KPNA3: variants seen among roughly 807,000 people sequenced by gnomAD.
The protein encoded by KPNA3 is karyopherin subunit alpha 3.
Under a neutral mutation model 73.8 loss-of-function variants are expected in KPNA3, and 13 were observed. That is an observed-to-expected ratio of 0.18 (90% confidence interval 0.11 to 0.28). The LOEUF is 0.28. Ranked by LOEUF, KPNA3 falls within the 10% of genes least tolerant of loss-of-function variation. The pLI is 1.00. For missense variants in KPNA3, 360 were observed against 618.1 expected, an observed-to-expected ratio of 0.58 and a Z score of 4.43; for synonymous variants, 186 against 206.9, an observed-to-expected ratio of 0.90 and a Z score of 0.87.
intron 10 of KPNA3, 69 bp downstream of exon 10, chr13:49,719,706 C>G: frequency 2.0e-6 from 2 of 989,236 alleles, no homozygotes; most frequent in South Asian, 2.7e-5. Flanking sequence ...TGTATGCTGA[C>G]ACTTACATAA....
intron 6 of KPNA3, among the ~76,000 whole-genome samples, chr13:49,731,691 T>C (rs1013951935): frequency 1.3e-5 from 2 of 152,180 alleles, no homozygotes; most frequent in South Asian, 2.1e-4. Context: ...TTTTAATATG[T>C]TTTGGAGTTC....
chr13:49,782,446 T>TACC (rs1954948237), intron 1 of KPNA3, among the ~76,000 whole-genome samples: 3 of 152,326 alleles, frequency 2.0e-5, no homozygotes, highest in Admixed American at 2.0e-4. Flanking sequence ...TATCTACCTG[T>TACC]ATCATAGAAC....
intron 1 of KPNA3, among the ~76,000 whole-genome samples, chr13:49,748,014 G>GA (rs1489423370): frequency 6.6e-6 from 1 of 151,886 alleles, no homozygotes; most frequent in Non-Finnish European, 1.5e-5. Context: ...AGGAGAAAGG[G>GA]AAAAAAAGGC....
chr13:49,737,813 A>T (rs1338227598), intron 2 of KPNA3, among the ~76,000 whole-genome samples: 1 of 152,092 alleles, frequency 6.6e-6, no homozygotes, highest in Non-Finnish European at 1.5e-5. Flanking sequence ...TATGTGCTGG[A>T]TACTAGTCTT....
At chr13:49,717,195 C>T (rs1047775419) in intron 10 of KPNA3, among the ~76,000 whole-genome samples, 3 of 151,962 alleles carry the variant, frequency 2.0e-5, no homozygotes, top group African/African-American at 4.8e-5. Flanking sequence ...TATCATTTCT[C>T]GATTTAAAAA....
chr13:49,777,190 C>T (rs909050224), intron 1 of KPNA3, among the ~76,000 whole-genome samples: 1 of 152,182 alleles, frequency 6.6e-6, no homozygotes, highest in Non-Finnish European at 1.5e-5. Flanking sequence ...ACCTTTCAGT[C>T]CCTATTATTA....
Position 49,710,966 on chromosome 13 carries a change from C to T in KPNA3, c.828G>A (p.Gln276=), listed in dbSNP as rs779533754. 1.2e-6 allele frequency: 2 copies of T among 1,613,406 alleles called. No homozygotes were observed. Among genetic ancestry groups the T allele is most frequent in the Admixed American group, 3.3e-5 (2 of 60,004 alleles). ...CTCCTGAATCAATAACCATCTGTAT[C>T]TGTTCATTACCTCCATCTGTCAAGT... ...LSYLTDGGNE[Q]IQMVIDSGVV... The change falls in exon 11 of 17, where the codon CAG becomes CAA. Residue 276 remains glutamine, a synonymous_variant. Coordinates refer to ENST00000261667, the MANE Select transcript of KPNA3 (RefSeq NM_002267.4).
Position 49,760,458 on chromosome 13 carries a change from C to T in KPNA3, c.70-13465G>A, listed in dbSNP as rs182735045. On this transcript the variant is annotated intron_variant, in intron 1 of 16. Transcript: ENST00000261667. Reference sequence around the variant, plus strand: ...GCAAAATTCAGATTATGAGAACCTCCATGAACCCAGTTTCTCCAACAATAA... The same window carrying T: ...GCAAAATTCAGATTATGAGAACCTCTATGAACCCAGTTTCTCCAACAATAA... 9.9e-3 allele frequency among the ~76,000 whole-genome samples: 1,504 copies of T among 151,434 alleles called. 12 individuals carry two copies. The highest frequency in any genetic ancestry group is 0.015 in the Non-Finnish European group (1,041 of 67,894).
In KPNA3 at chr13:49,785,428, T is replaced by C. The variant is rs139463678; in HGVS notation, c.69+7010A>G. Among the ~76,000 whole-genome samples the C allele has an allele frequency of 5.6e-3, 860 of 152,264 alleles. 19 individuals are homozygous for C. Among genetic ancestry groups the C allele is most frequent in the Admixed American group, 0.037 (571 of 15,302 alleles). Reference sequence around the variant, plus strand: ...CAAATTCAGGTCACAGTGAGGGTGATGATGCCATAAACAGAAAAAAGAAAA... The same window carrying C: ...CAAATTCAGGTCACAGTGAGGGTGACGATGCCATAAACAGAAAAAAGAAAA... On this transcript the variant is annotated intron_variant, in intron 1 of 16. Coordinates refer to ENST00000261667, the MANE Select transcript of KPNA3 (RefSeq NM_002267.4).
intron 6 of KPNA3, among the ~76,000 whole-genome samples, chr13:49,728,498 A>T (rs1954432473): frequency 6.6e-6 from 1 of 152,224 alleles, no homozygotes; most frequent in African/African-American, 2.4e-5. Flanking sequence ...AGACAACAGC[A>T]GAGCTTCCAA....
At chr13:49,764,228 T>C in intron 1 of KPNA3, among the ~76,000 whole-genome samples, 1 of 152,172 alleles carries the variant, frequency 6.6e-6, no homozygotes, top group Non-Finnish European at 1.5e-5. Context: ...TGTACTTCTA[T>C]CCTGTTGCCC....
intron 9 of KPNA3, 47 bp from the exon 10 acceptor site, chr13:49,719,866 T>A (rs1274075789): frequency 8.1e-7 from 1 of 1,240,100 alleles, no homozygotes; most frequent in African/African-American, 1.5e-5. Context: ...AATTAATATG[T>A]CTGTAAAAAT....
rs149804551 is a variant in KPNA3, at chr13:49,710,622, C to A, written c.903+269G>T. ...GCAGGTTTGTGGGAGATGATCGTTT[C>A]ATTTCTGTCTAGTTAACCACGGAAA... On this transcript the variant is annotated intron_variant, in intron 11 of 16. Transcript: ENST00000261667. Among the ~76,000 whole-genome samples the A allele has an allele frequency of 2.5e-3, 377 of 152,318 alleles. 5 individuals carry two copies. Among genetic ancestry groups the A allele is most frequent in the African/African-American group, 8.5e-3 (355 of 41,588 alleles).
chr13:49,765,187 T>G (rs150640070), intron 1 of KPNA3, among the ~76,000 whole-genome samples: 10 of 152,372 alleles, frequency 6.6e-5, no homozygotes, highest in South Asian at 4.1e-4. Flanking sequence ...CAGATTTGTT[T>G]CCTGATGAAT....
chr13:49,772,641 A>G (rs1213512264), intron 1 of KPNA3, among the ~76,000 whole-genome samples: 3 of 152,084 alleles, frequency 2.0e-5, no homozygotes, highest in Non-Finnish European at 2.9e-5. Context: ...CATCTCTACT[A>G]AAAATACCAA....
At chr13:49,749,462 G>A (rs963162629) in intron 1 of KPNA3, among the ~76,000 whole-genome samples, 10 of 152,088 alleles carry the variant, frequency 6.6e-5, no homozygotes, top group Non-Finnish European at 1.2e-4. Context: ...CTAAGAATCC[G>A]GCAGGCCCTA....
chr13:49,749,803 C>T (rs759322113), intron 1 of KPNA3, among the ~76,000 whole-genome samples: 2 of 152,090 alleles, frequency 1.3e-5, no homozygotes, highest in African/African-American at 4.8e-5. Flanking sequence ...CTTATTCACC[C>T]GAAAGAATCA....
intron 1 of KPNA3, among the ~76,000 whole-genome samples, chr13:49,749,960 A>C (rs1454301676): frequency 6.6e-6 from 1 of 152,084 alleles, no homozygotes; most frequent in Non-Finnish European, 1.5e-5. Flanking sequence ...ATTCTCCCTT[A>C]TATTCTTCCC....
Position 49,718,964 on chromosome 13 carries a change from T to TAA in KPNA3, c.771+810_771+811insTT, listed in dbSNP as rs1209191497. ...TATGTATGTACATGTTATGTGTATG[T>TAA]AGATAAAGATTACAAAAACACAAAT... On this transcript the variant is annotated intron_variant, in intron 10 of 16. Transcript: ENST00000261667. Among the ~76,000 whole-genome samples the TAA allele has an allele frequency of 9.9e-5, 4 of 40,430 alleles. No individual in the cohort carries two copies. The East Asian group carries it at 0.048, about 481-fold the overall frequency. 26.5% of individuals were successfully genotyped at this position (40,430 alleles called of 152,430 possible).
Sources: allele counts gnomAD v4.1 joint callset (sites outside exome capture counted in the v4.1 genomes callset), GRCh38; gene constraint gnomAD v4.1.1; transcripts MANE v1.5; gene names NCBI Gene and HGNC (gene_info 2026-07-23, HGNC 2026-07-21).